ZIC4: variants seen among roughly 807,000 people sequenced by gnomAD.
ZIC4 encodes the protein zinc finger protein ZIC 4.
In ZIC4, 15 loss-of-function variants were observed where a neutral mutation model predicts 28.8. That is an observed-to-expected ratio of 0.52 (90% confidence interval 0.35 to 0.80). The LOEUF (loss-of-function observed/expected upper bound fraction) is 0.80, where lower values mean the gene tolerates loss of function less well. Ranked by LOEUF, ZIC4 falls within the 30% of genes least tolerant of loss-of-function variation. The pLI, the probability that ZIC4 is intolerant of heterozygous loss-of-function variation, is 0.01. For missense variants in ZIC4, 512 were observed against 467.1 expected (o/e 1.10, Z -0.89); for synonymous variants, 220 against 198.1 (o/e 1.11, Z -0.93).
At chr3:147,399,541 C>T (rs746112539) in intron 2 of ZIC4, among the ~76,000 whole-genome samples, 2 of 152,168 alleles carry the variant, frequency 1.3e-5, no homozygotes, top group Non-Finnish European at 2.9e-5. Flanking sequence ...AGGGGAACTT[C>T]TGCAATATTT....
At chr3:147,392,090 C>T (rs1297051007) in intron 3 of ZIC4, 53 of 985,492 alleles carry the variant, frequency 5.4e-5, no homozygotes, top group Non-Finnish European at 6.4e-5. Context: ...CACTGACTTG[C>T]GATGTCGACC....
chr3:147,398,348 C>T (rs1246669239), intron 2 of ZIC4, among the ~76,000 whole-genome samples: 1 of 152,190 alleles, frequency 6.6e-6, no homozygotes, highest in Admixed American at 6.5e-5. Flanking sequence ...AGAAAGTGCA[C>T]GCCGCGTTTC....
intron 2 of ZIC4, among the ~76,000 whole-genome samples, chr3:147,397,853 A>G (rs909127068): frequency 3.3e-5 from 5 of 151,240 alleles, no homozygotes; most frequent in African/African-American, 9.7e-5. Flanking sequence ...CGTCTCTCTT[A>G]TTTTCCCCAA....
chr3:147,399,251 T>G (rs1362923383), intron 2 of ZIC4, among the ~76,000 whole-genome samples: 2 of 152,246 alleles, frequency 1.3e-5, no homozygotes, highest in Middle Eastern at 3.4e-3. Context: ...ACAGGCACCA[T>G]CTCTCTGATC....
In ZIC4 at chr3:147,388,506, A is replaced by G. The variant is rs1290110839; in HGVS notation, c.*353T>C. 3 of 319,796 alleles carry G rather than the reference A, an allele frequency of 9.4e-6. No individual in the cohort carries two copies. Among genetic ancestry groups the G allele is most frequent in the Non-Finnish European group, 1.1e-5 (2 of 177,248 alleles). 19.8% of individuals were successfully genotyped at this position (319,796 alleles called of 1,614,324 possible). On this transcript the variant is annotated 3_prime_UTR_variant, in exon 5 of 5. Coordinates refer to ENST00000383075, the MANE Select transcript of ZIC4 (RefSeq NM_032153.6). ...CTTTTCTTCCTTCACATTATTATCC[A>G]TTTTTATTATGATCGGGTACAAGTG...
intron 1 of ZIC4, chr3:147,404,240 T>C: frequency 1.4e-6 from 2 of 1,444,380 alleles, no homozygotes; most frequent in South Asian, 1.5e-5. Flanking sequence ...TGTCCACCCA[T>C]AAGGCAGCCC....
At chr3:147,400,484 C>A (rs1428180246) in intron 2 of ZIC4, among the ~76,000 whole-genome samples, 4 of 152,314 alleles carry the variant, frequency 2.6e-5, no homozygotes, top group Non-Finnish European at 4.4e-5. Flanking sequence ...TTTTAGGTAG[C>A]TTCTTCTTGC....
intron 1 of ZIC4, 197 bp downstream of exon 1, chr3:147,406,166 C>T (rs1163878458): frequency 6.5e-6 from 1 of 153,222 alleles, no homozygotes; most frequent in Non-Finnish European, 1.5e-5. Context: ...CCCTCCTCCC[C>T]TTAGTGTCAG....
In ZIC4 at chr3:147,396,235, T is replaced by G. The variant is rs2107974485; in HGVS notation, c.305A>C (p.Asn102Thr). ...GGGCGCAGCGAGGTTCACCGTCAGG[T>G]TCATGCCCCCGTAGCCATGCAGGGC... Reference protein sequence around the residue: ...AAALHGYGGMNLTVNLAAPHG... With the variant: ...AAALHGYGGMTLTVNLAAPHG... Residue 102 changes from asparagine to threonine, a missense_variant, in exon 3 of 5, where the codon AAC (asparagine) becomes ACC (threonine). Coordinates refer to ENST00000383075, the MANE Select transcript of ZIC4 (RefSeq NM_032153.6). The surrounding 1 kb of genome is among the most constrained non-coding windows in gnomAD (Gnocchi z 4.2). 1 of 1,613,728 alleles carries G rather than the reference T, an allele frequency of 6.2e-7. No homozygotes were observed. Among genetic ancestry groups the G allele is most frequent in the South Asian group, 1.1e-5 (1 of 91,070 alleles).
At chr3:147,398,088 G>T (rs1312706221) in intron 2 of ZIC4, among the ~76,000 whole-genome samples, 1 of 152,074 alleles carries the variant, frequency 6.6e-6, no homozygotes, top group Admixed American at 6.5e-5. Context: ...GACTCTCCCC[G>T]CCACAAGTCA....
At position 147,391,209 on chromosome 3, in the gene ZIC4, C is replaced by G. The variant is rs374265221; in HGVS notation, c.726G>C (p.Glu242Asp). The G allele has an allele frequency of 1.9e-5, 31 of 1,603,988 alleles. No individual in the cohort carries two copies. Among genetic ancestry groups the G allele is most frequent in the Non-Finnish European group, 2.6e-5 (30 of 1,172,604 alleles). ...KPFRCEFEGC[E>D]RRFANSSDRK... is the part of the protein sequence containing the mutation. ...GGTCGCTGCTGTTGGCGAAGCGCCGCTCGCAGCCCTCGAACTCGCATCTGA... is the reference window on the plus strand; with the variant it reads ...GGTCGCTGCTGTTGGCGAAGCGCCGGTCGCAGCCCTCGAACTCGCATCTGA... The change falls in exon 4 of 5, where the codon GAG (glutamate) becomes GAC (aspartate). Residue 242 changes from glutamate to aspartate, a missense_variant. Coordinates refer to ENST00000383075, the MANE Select transcript of ZIC4 (RefSeq NM_032153.6).
In ZIC4 at chr3:147,390,952, C is replaced by T. The variant is rs763674182; in HGVS notation, c.983G>A (p.Arg328His). The T allele has an allele frequency of 5.0e-6, 8 of 1,610,592 alleles. No homozygotes were observed. The highest frequency in any genetic ancestry group is 2.2e-5 in the South Asian group (2 of 90,840). The change falls in exon 4 of 5, where the codon CGT becomes CAT. Residue 328 changes from arginine to histidine, a missense_variant. Arg to His is a conservative substitution (Grantham distance 29). Around this residue, in one of 3 missense-constraint regions of ZIC4, gnomAD observed 144 missense variants for 116.8 expected, o/e 1.23. Transcript: ENST00000383075. ...QVASSAAVAA[R>H]TADLSE ...GTACCATTCGCTCAAGTCGGCGGTA[C>T]GCGCCGCCACCGCCGCCGAGGAGGC...
At chr3:147,405,798 C>A (rs1310479367) in intron 1 of ZIC4, 1 of 402,472 alleles carries the variant, frequency 2.5e-6, no homozygotes, top group South Asian at 2.6e-5. Context: ...CAGGTTGGGG[C>A]GGAGAAGTTC....
intron 2 of ZIC4, among the ~76,000 whole-genome samples, chr3:147,397,551 G>A (rs2087076455): frequency 1.3e-5 from 2 of 152,014 alleles, no homozygotes; most frequent in Admixed American, 1.3e-4. Context: ...CAGGGCTCCT[G>A]GAAGTACTCG....
Position 147,396,756 on chromosome 3 carries a change from T to A in ZIC4, c.71-287A>T. ...TAAGGGGTAATGGAAGGCGCAGGGCTGAGTCTGTGGGTTGCTGGGGGTTCT... is the reference window on the plus strand; with the variant it reads ...TAAGGGGTAATGGAAGGCGCAGGGCAGAGTCTGTGGGTTGCTGGGGGTTCT... On this transcript the variant is annotated intron_variant, in intron 2 of 4. Transcript: ENST00000383075. The surrounding 1 kb of genome is among the most constrained non-coding windows in gnomAD (Gnocchi z 4.2). 2.9e-6 allele frequency: 1 copy of A among 350,444 alleles called. No individual in the cohort carries two copies. The highest frequency in any genetic ancestry group is 5.1e-6 in the Non-Finnish European group (1 of 194,812). 21.7% of individuals were successfully genotyped at this position (350,444 alleles called of 1,614,324 possible). A position where few individuals can be genotyped will look rare whatever the true frequency, so the allele number is the denominator to read the frequency against.
chr3:147,404,382 G>T, intron 1 of ZIC4: 2 of 996,510 alleles, frequency 2.0e-6, no homozygotes, highest in Non-Finnish European at 2.5e-6. Flanking sequence ...GACCTTAGGA[G>T]GCTCTCTGTA....
rs1373293534 is a variant in ZIC4, at chr3:147,388,835, A to T, written c.*24T>A. 1 of 779,892 alleles carries T rather than the reference A, an allele frequency of 1.3e-6. No individual in the cohort carries two copies. The highest frequency in any genetic ancestry group is 2.4e-6 in the Non-Finnish European group (1 of 417,864). 48.3% of individuals were successfully genotyped at this position (779,892 alleles called of 1,614,324 possible). A position where few individuals can be genotyped will look rare whatever the true frequency, so the allele number is the denominator to read the frequency against. ...GCGCTCAGCTGCGCGGAGCGAGATT[A>T]CCTTGCGAGCAACGCGGTGGACATC... On this transcript the variant is annotated 3_prime_UTR_variant, in exon 5 of 5. Transcript: ENST00000383075.
chr3:147,389,114 G>T, intron 4 of ZIC4: 1 of 565,148 alleles, frequency 1.8e-6, no homozygotes, highest in Non-Finnish European at 3.1e-6. Context: ...GACTGCCCGC[G>T]CTGGGTCAGG....
At position 147,391,090 on chromosome 3, in the gene ZIC4, C is replaced by G; in HGVS notation, c.845G>C (p.Arg282Pro). ...GCGCCCGTGCACCTTCATGTGCTTA[C>G]GCAGCGAGCTGGGGTGCGTGTAGCA... ...DKCYTHPSSL[R>P]KHMKVHGRSP... is the part of the protein sequence containing the mutation. Residue 282 changes from arginine to proline, a missense_variant, in exon 4 of 5, where the codon CGT (arginine) becomes CCT (proline). Physicochemically the swap from Arg to Pro is moderately radical, Grantham distance 103. Transcript: ENST00000383075. The G allele has an allele frequency of 6.2e-7, 1 of 1,614,128 alleles. No homozygotes were observed. The highest frequency in any genetic ancestry group is 8.5e-7 in the Non-Finnish European group (1 of 1,180,046).
Sources: allele counts gnomAD v4.1 joint callset (sites outside exome capture counted in the v4.1 genomes callset), GRCh38; gene constraint gnomAD v4.1.1; regional missense constraint gnomAD v4.1.1; non-coding constraint Gnocchi (gnomAD v3.1); transcripts MANE v1.5; gene names NCBI Gene and HGNC (gene_info 2026-07-23, HGNC 2026-07-21).